Variants in PCDHGB7 observed in about 807,000 individuals in gnomAD.
PCDHGB7 encodes protocadherin gamma-B7.
In PCDHGB7, 37 loss-of-function variants were observed where a neutral mutation model predicts 61.4. The ratio of observed to expected loss-of-function variants is 0.60; its 90% CI spans 0.46 to 0.79. PCDHGB7 has a LOEUF of 0.79. PCDHGB7 is among the 30% of genes least tolerant of loss of function. PCDHGB7 has a pLI of 0.00. For synonymous variants in PCDHGB7, 464 were observed against 503.5 expected, an observed-to-expected ratio of 0.92 and a Z score of 1.05; for missense variants, 1,166 against 1,202.5, an observed-to-expected ratio of 0.97 and a Z score of 0.45.
intron 1 of PCDHGB7, among the ~76,000 whole-genome samples, chr5:141,494,100 G>T (rs559145191): frequency 6.6e-6 from 1 of 152,152 alleles, no homozygotes; most frequent in Non-Finnish European, 1.5e-5. Flanking sequence ...ATTTTTCTCC[G>T]TCTCAGACAG....
chr5:141,443,974 G>A (rs775899117), intron 1 of PCDHGB7, among the ~76,000 whole-genome samples: 5 of 152,066 alleles, frequency 3.3e-5, no homozygotes, highest in Non-Finnish European at 7.4e-5. Context: ...GTCCATCTAA[G>A]CTATGTTAAT....
At chr5:141,423,147 G>A (rs545052756) in intron 1 of PCDHGB7, 4 of 1,613,578 alleles carry the variant, frequency 2.5e-6, no homozygotes, top group African/African-American at 2.7e-5. Context: ...ACGCGCTCAA[G>A]CAGAGCCTCG....
chr5:141,472,095 C>T (rs1186697747), intron 1 of PCDHGB7, among the ~76,000 whole-genome samples: 1 of 151,998 alleles, frequency 6.6e-6, no homozygotes, highest in African/African-American at 2.4e-5. Flanking sequence ...TATTATTATT[C>T]CCATTTTATA....
rs1446743849 is a variant in PCDHGB7, at chr5:141,476,288, C to T, written c.2416-18519C>T. The T allele has an allele frequency of 1.3e-5, 21 of 1,613,980 alleles. No individual in the cohort carries two copies. The highest frequency in any genetic ancestry group is 2.2e-5 in the South Asian group (2 of 91,076). On this transcript the variant is annotated intron_variant, in intron 1 of 3. Coordinates refer to ENST00000398594, the MANE Select transcript of PCDHGB7 (RefSeq NM_018927.4). This position sits in a 1 kb window ranked among gnomAD's most constrained non-coding sequence, Gnocchi z 7.6. ...CGTGGTCGCGAACCTTGGTTTGGAT[C>T]TCGGTAGCCTCTCAGCCCGCAGGTT...
intron 2 of PCDHGB7, among the ~76,000 whole-genome samples, chr5:141,500,892 G>GAT (rs1036007799): frequency 1.1e-5 from 1 of 88,010 alleles, no homozygotes; most frequent in African/African-American, 7.1e-5. Flanking sequence ...TTTTTTTTGA[G>GAT]ACAGTCTCGC....
chr5:141,450,280 T>C (rs1374970772), intron 1 of PCDHGB7, among the ~76,000 whole-genome samples: 2 of 152,166 alleles, frequency 1.3e-5, no homozygotes, highest in African/African-American at 4.8e-5. Context: ...AGCTAAGTGC[T>C]GGGATTACAG....
At position 141,419,124 on chromosome 5, in the gene PCDHGB7, T is replaced by A; in HGVS notation, c.1265T>A (p.Ile422Asn). The A allele has an allele frequency of 6.2e-7, 1 of 1,613,798 alleles. No individual in the cohort carries two copies. Among genetic ancestry groups the A allele is most frequent in the Non-Finnish European group, 8.5e-7 (1 of 1,179,882 alleles). The change falls in exon 1 of 4, where the codon ATC becomes AAC. Residue 422 changes from isoleucine to asparagine, a missense_variant. Coordinates refer to ENST00000398594, the MANE Select transcript of PCDHGB7 (RefSeq NM_018927.4). The stretch of plus-strand genomic sequence containing the variant: ...CAGACCCCAGAGTACAACGTCACCA[T>A]CGCAGCCACAGACAGGGGCAAGCCT... ...REQTPEYNVT[I>N]AATDRGKPPL...
At chr5:141,439,774 T>G (rs1435214431) in intron 1 of PCDHGB7, 2 of 152,364 alleles carry the variant, frequency 1.3e-5, no homozygotes, top group East Asian at 3.9e-4. Context: ...CCTTCTTGGC[T>G]GGAGATTCTA....
In PCDHGB7 at chr5:141,511,308, G is replaced by A. The variant is rs76613492; in HGVS notation, c.*135G>A. ...AGGGGCCAAGGCCATGCTCCCCTTG[G>A]GAAACAGAAACAAGTGCCCAGTCAG... is the stretch of plus-strand genomic sequence containing the variant. On this transcript the variant is annotated 3_prime_UTR_variant, in exon 4 of 4. Coordinates refer to ENST00000398594, the MANE Select transcript of PCDHGB7 (RefSeq NM_018927.4). 1.1e-3 allele frequency: 1,589 copies of A among 1,487,716 alleles called. 16 individuals carry two copies. In the African/African-American group the frequency reaches 0.021, roughly 19 times the overall value. The allele number at this position is 1,487,716 out of a possible 1,614,324, so 92.2% of individuals were successfully genotyped here.
At chr5:141,443,980 T>A (rs2098412674) in intron 1 of PCDHGB7, among the ~76,000 whole-genome samples, 1 of 152,036 alleles carries the variant, frequency 6.6e-6, no homozygotes, top group South Asian at 2.1e-4. Context: ...CTAAGCTATG[T>A]TAATTTTATT....
intron 1 of PCDHGB7, chr5:141,423,157 G>T: frequency 1.9e-6 from 3 of 1,610,820 alleles, no homozygotes; most frequent in East Asian, 2.2e-5. Context: ...GCAGAGCCTC[G>T]TGGTGGCCGT....
rs925541311 is a variant in PCDHGB7 at position 141,431,452 on chromosome 5, G to C, written c.2415+11178G>C. 11 of 1,613,630 alleles carry C rather than the reference G, an allele frequency of 6.8e-6. No individual in the cohort carries two copies. The highest frequency in any genetic ancestry group is 9.3e-6 in the Non-Finnish European group (11 of 1,179,982). On this transcript the variant is annotated intron_variant, in intron 1 of 3. Transcript: ENST00000398594. The surrounding 1 kb of genome is among the most constrained non-coding windows in gnomAD (Gnocchi z 4.8). ...CAGGCACCGCGCGCATCCGCGTGAT[G>C]GTTCTGGATGCGAACGACAACGCAC...
chr5:141,420,330 C>G lies in PCDHGB7; in HGVS notation c.2415+56C>G, dbSNP rs765696240. 711 of 1,399,258 alleles carry G rather than the reference C, an allele frequency of 5.1e-4. 1 individual carries two copies. The highest frequency in any genetic ancestry group is 6.5e-4 in the Non-Finnish European group (676 of 1,043,138). 86.7% of individuals were successfully genotyped at this position (1,399,258 alleles called of 1,614,324 possible). A position where few individuals can be genotyped will look rare whatever the true frequency, so the allele number is the denominator to read the frequency against. On this transcript the variant is annotated intron_variant, in intron 1 of 3. Coordinates refer to ENST00000398594, the MANE Select transcript of PCDHGB7 (RefSeq NM_018927.4). Reference sequence around the variant, plus strand: ...TTATATTACAATATGCCAATATATTCCAATATAGTGGTATTATTTTAAGAT... The same window carrying G: ...TTATATTACAATATGCCAATATATTGCAATATAGTGGTATTATTTTAAGAT...
intron 1 of PCDHGB7, chr5:141,426,987 G>C (rs867397302): frequency 1.3e-5 from 6 of 456,602 alleles, no homozygotes; most frequent in African/African-American, 1.2e-4. Context: ...TGATGCCAAC[G>C]ATAATGCCCC....
rs1478890031 is a variant in PCDHGB7, at chr5:141,478,689, C to G, written c.2416-16118C>G. On this transcript the variant is annotated intron_variant, in intron 1 of 3. Coordinates refer to ENST00000398594, the MANE Select transcript of PCDHGB7 (RefSeq NM_018927.4). Reference sequence around the variant, plus strand: ...CACTTTCAACTGGCCCTTCCTAGATCAAAGTTAGTGCCTTTGTGAGATGGT... The same window carrying G: ...CACTTTCAACTGGCCCTTCCTAGATGAAAGTTAGTGCCTTTGTGAGATGGT... 3 of 1,550,866 alleles carry G rather than the reference C, an allele frequency of 1.9e-6. No homozygotes were observed. In the African/African-American group the frequency reaches 4.1e-5, roughly 21 times the overall value.
intron 1 of PCDHGB7, among the ~76,000 whole-genome samples, chr5:141,482,072 C>G (rs1010432509): frequency 1.5e-5 from 2 of 133,436 alleles, no homozygotes; most frequent in African/African-American, 5.9e-5. Flanking sequence ...GCAACAAGAA[C>G]AAAACTCACT....
rs1292747996 is a variant in PCDHGB7, at chr5:141,475,972, T to C, written c.2416-18835T>C. 2.0e-5 allele frequency: 19 copies of C among 963,712 alleles called. No individual in the cohort carries two copies. In the East Asian group the frequency reaches 3.4e-4, roughly 17 times the overall value. The allele number at this position is 963,712 out of a possible 1,614,324, so 59.7% of individuals were successfully genotyped here. A position where few individuals can be genotyped will look rare whatever the true frequency, so the allele number is the denominator to read the frequency against. ...CTGCGCCCCGGGATGAGGCAGAGAC[T>C]GAACAGCCGGCGAGCAAATCAACGG... On this transcript the variant is annotated intron_variant, in intron 1 of 3. Transcript: ENST00000398594.
chr5:141,465,918 C>T lies in PCDHGB7; in HGVS notation c.2416-28889C>T, dbSNP rs34980831. On this transcript the variant is annotated intron_variant, in intron 1 of 3. Transcript: ENST00000398594. ...CGGGCAAATCACGAGGTCAGGATTT[C>T]GAGTCCATCCTGGCTAACATGGTGA... 2.0e-3 allele frequency among the ~76,000 whole-genome samples: 307 copies of T among 152,144 alleles called. 1 individual carries two copies. Among genetic ancestry groups the T allele is most frequent in the Middle Eastern group, 0.01 (3 of 294 alleles).
chr5:141,438,579 CATACATACATACATATAT>C (rs1303045573), intron 1 of PCDHGB7, among the ~76,000 whole-genome samples: 21 of 55,772 alleles, frequency 3.8e-4, no homozygotes, highest in Admixed American at 1.1e-3. Context: ...GATATACATA[CATACATACATACATATAT>C]ATATATATAT....
Sources: allele counts gnomAD v4.1 joint callset (sites outside exome capture counted in the v4.1 genomes callset), GRCh38; gene constraint gnomAD v4.1.1; non-coding constraint Gnocchi (gnomAD v3.1); transcripts MANE v1.5; gene names NCBI Gene and HGNC (gene_info 2026-07-23, HGNC 2026-07-21).